Variants in CACNA1C observed in about 807,000 individuals in gnomAD.
The protein encoded by CACNA1C is voltage-dependent L-type calcium channel subunit alpha-1C.
A neutral mutation model predicts 229.0 loss-of-function variants in CACNA1C; 30 were observed. The ratio of observed to expected loss-of-function variants is 0.13; its 90% confidence interval spans 0.10 to 0.18. The LOEUF is 0.18. CACNA1C is among the 10% of genes least tolerant of loss of function. The pLI, the probability that CACNA1C is intolerant of heterozygous loss-of-function variation, is 1.00. For synonymous variants in CACNA1C, 1,114 were observed against 1,132.5 expected (o/e 0.98, Z 0.33); for missense variants, 1,658 against 2,845.0 (o/e 0.58, Z 9.49).
At chr12:2,663,541 T>C (rs1162909264) in intron 34 of CACNA1C, among the ~76,000 whole-genome samples, 1 of 152,002 alleles carries the variant, frequency 6.6e-6, no homozygotes, top group Non-Finnish European at 1.5e-5. Context: ...AGCAGCACCA[T>C]TTGCAAAATG....
At chr12:2,284,782 A>G (rs1050023061) in intron 3 of CACNA1C, among the ~76,000 whole-genome samples, 3 of 152,196 alleles carry the variant, frequency 2.0e-5, no homozygotes, top group African/African-American at 7.2e-5. Flanking sequence ...CTCTCATTTC[A>G]GCCTTGTTCC....
At chr12:2,165,272 TAAG>T (rs2096152512) in intron 3 of CACNA1C, among the ~76,000 whole-genome samples, 1 of 152,230 alleles carries the variant, frequency 6.6e-6, no homozygotes, top group Non-Finnish European at 1.5e-5. Context: ...AATCCAGTGA[TAAG>T]AAACTATTTT....
intron 3 of CACNA1C, among the ~76,000 whole-genome samples, chr12:2,318,348 T>G (rs11832797): frequency 0.033 from 5,036 of 152,284 alleles, 190 homozygotes; most frequent in African/African-American, 0.087. Context: ...GAAACAATGA[T>G]TTTAAGCAAG....
intron 1 of CACNA1C, among the ~76,000 whole-genome samples, chr12:2,037,196 T>C (rs1212709719): frequency 3.3e-5 from 5 of 152,220 alleles, no homozygotes; most frequent in African/African-American, 7.2e-5. Flanking sequence ...AGCCAACGAC[T>C]GGATCACATC....
Position 2,102,212 on chromosome 12 carries a change from T to C in CACNA1C, c.50-13012T>C, listed in dbSNP as rs560577657. ...GAAGAGCATCTTCCCCGTATACTTC[T>C]GCACGGAAACCTTTGAAGGCCAAAT... On this transcript the variant is annotated intron_variant, in intron 1 of 46. Coordinates refer to ENST00000399655, the MANE Select transcript of CACNA1C (RefSeq NM_000719.7). Among the ~76,000 whole-genome samples, 8 of 152,336 alleles carry C rather than the reference T, an allele frequency of 5.3e-5. No individual in the cohort carries two copies. The South Asian group carries it at 1.4e-3, about 28-fold the overall frequency.
chr12:2,674,708 C>T (rs2096716829), intron 39 of CACNA1C, 66 bp downstream of exon 39: 2 of 1,419,368 alleles, frequency 1.4e-6, no homozygotes, highest in Non-Finnish European at 1.9e-6. Flanking sequence ...GCCTGCCTCT[C>T]CTCCAGCTGT....
chr12:2,163,688 G>A (rs931219201), intron 3 of CACNA1C, among the ~76,000 whole-genome samples: 1 of 152,144 alleles, frequency 6.6e-6, no homozygotes, highest in African/African-American at 2.4e-5. Flanking sequence ...GCTGAGTCAG[G>A]CCCTCCTCCC....
intron 3 of CACNA1C, among the ~76,000 whole-genome samples, chr12:2,357,950 A>T (rs1358558658): frequency 6.7e-6 from 1 of 148,482 alleles, no homozygotes; most frequent in African/African-American, 2.5e-5. Flanking sequence ...CAGCTGGGCA[A>T]CAAGAGTGAA....
intron 3 of CACNA1C, among the ~76,000 whole-genome samples, chr12:2,170,683 A>C (rs2096439874): frequency 6.6e-6 from 1 of 152,212 alleles, no homozygotes; most frequent in Non-Finnish European, 1.5e-5. Flanking sequence ...CTGGGCTGGT[A>C]GGCCATGGAG....
chr12:2,039,234 C>G (rs2049674406), intron 1 of CACNA1C, among the ~76,000 whole-genome samples: 1 of 152,166 alleles, frequency 6.6e-6, no homozygotes, highest in South Asian at 2.1e-4. Context: ...GTAACAACCT[C>G]CCTTTAAACT....
chr12:2,611,278 A>G (rs806142), intron 28 of CACNA1C, among the ~76,000 whole-genome samples: 16,072 of 98,436 alleles, frequency 0.16, 1,476 homozygotes, highest in East Asian at 0.28. Context: ...GGATGCGTTC[A>G]TTTTTGGTTG....
intron 3 of CACNA1C, among the ~76,000 whole-genome samples, chr12:2,212,581 A>C (rs1599301184): frequency 6.6e-6 from 1 of 152,348 alleles, no homozygotes; most frequent in South Asian, 2.1e-4. Flanking sequence ...CTTAGAATGC[A>C]GAGCTTATAA....
intron 1 of CACNA1C, among the ~76,000 whole-genome samples, chr12:2,074,770 C>G (rs1156610900): frequency 6.6e-6 from 1 of 152,166 alleles, no homozygotes; most frequent in African/African-American, 2.4e-5. Context: ...GAAAATAGCC[C>G]ATAGCCATCC....
At chr12:2,258,801 A>C (rs890602782) in intron 3 of CACNA1C, among the ~76,000 whole-genome samples, 1 of 152,234 alleles carries the variant, frequency 6.6e-6, no homozygotes, top group African/African-American at 2.4e-5. Flanking sequence ...AAGTTACCGA[A>C]TATTTCTGAT....
chr12:2,041,015 A>G (rs1343043710), intron 1 of CACNA1C, among the ~76,000 whole-genome samples: 2 of 152,234 alleles, frequency 1.3e-5, no homozygotes, highest in African/African-American at 4.8e-5. Context: ...AAAATACAGC[A>G]GAATCAGATC....
chr12:2,353,888 G>A (rs7961089), intron 3 of CACNA1C, among the ~76,000 whole-genome samples: 1 of 152,056 alleles, frequency 6.6e-6, no homozygotes, highest in African/African-American at 2.4e-5. Context: ...TTCTGGTCCC[G>A]AATGCTGGGC....
chr12:2,666,933 T>G lies in CACNA1C; in HGVS notation c.4623+151T>G, dbSNP rs1241291854. 6.6e-6 allele frequency among the ~76,000 whole-genome samples: 1 copy of G among 152,188 alleles called. No homozygotes were observed. The highest frequency in any genetic ancestry group is 1.9e-4 in the East Asian group (1 of 5,188). ...CTTCCAGCTCTAAATTCTCAGACTCTATGAGGGAATAACAGAGTGAATGCC... is the reference window on the plus strand; with the variant it reads ...CTTCCAGCTCTAAATTCTCAGACTCGATGAGGGAATAACAGAGTGAATGCC... On this transcript the variant is annotated intron_variant, in intron 37 of 46. Transcript: ENST00000399655. This position sits in a 1 kb window ranked among gnomAD's most constrained non-coding sequence, Gnocchi z 5.3.
In CACNA1C at chr12:2,354,421, C is replaced by T. The variant is rs1231988006; in HGVS notation, c.478-94555C>T. 6.6e-6 allele frequency among the ~76,000 whole-genome samples: 1 copy of T among 152,104 alleles called. No individual in the cohort carries two copies. Among genetic ancestry groups the T allele is most frequent in the South Asian group, 2.1e-4 (1 of 4,824 alleles). On this transcript the variant is annotated intron_variant, in intron 3 of 46. Coordinates refer to ENST00000399655, the MANE Select transcript of CACNA1C (RefSeq NM_000719.7). The surrounding 1 kb of genome is among the most constrained non-coding windows in gnomAD (Gnocchi z 4.6). ...TTTAGAGGAGCGAAAACACAGCTAGCCAGGGCTGCAGCTATGACTGCAGCC... is the reference window on the plus strand; with the variant it reads ...TTTAGAGGAGCGAAAACACAGCTAGTCAGGGCTGCAGCTATGACTGCAGCC...
chr12:1,972,150 G>A (rs534991913), intron 1 of CACNA1C, among the ~76,000 whole-genome samples: 6 of 152,292 alleles, frequency 3.9e-5, no homozygotes, highest in African/African-American at 7.2e-5. Context: ...GGAAAGCCAC[G>A]GAAACGTGGT....
Sources: gnomAD v4.1 joint callset for allele counts (sites outside exome capture counted in the v4.1 genomes callset) on GRCh38, gnomAD v4.1.1 for gene constraint, Gnocchi (gnomAD v3.1) non-coding constraint, MANE v1.5 for transcripts, NCBI Gene and HGNC (gene_info 2026-07-23, HGNC 2026-07-21) for gene names.